The following FDX1 variants were observed in gnomAD, a reference collection of about 807,000 sequenced individuals.
The protein encoded by FDX1 is adrenodoxin, mitochondrial.
FDX1 carries 9 observed loss-of-function variants against 14.9 expected under a neutral mutation model. The observed-to-expected ratio is 0.60, with a 90% CI of 0.36 to 1.05. The LOEUF (loss-of-function observed/expected upper bound fraction) is 1.05, where lower values mean the gene tolerates loss of function less well. Ranked by LOEUF, FDX1 falls within the 50% of genes least tolerant of loss-of-function variation. The probability of loss-of-function intolerance (pLI) is 0.01; values close to 1 mark genes in which losing one functional copy is unlikely to be tolerated. For missense variants in FDX1, 204 were observed against 237.2 expected (o/e 0.86, Z 0.92); for synonymous variants, 92 against 99.4 (o/e 0.93, Z 0.44).
At chr11:110,431,901 G>A (rs1473804280) in intron 1 of FDX1, among the ~76,000 whole-genome samples, 1 of 152,118 alleles carries the variant, frequency 6.6e-6, no homozygotes, top group African/African-American at 2.4e-5. Context: ...TTCTTACTGT[G>A]TTAATGAGAC....
chr11:110,445,245 G>C (rs1192035649), intron 2 of FDX1, among the ~76,000 whole-genome samples: 1 of 152,104 alleles, frequency 6.6e-6, no homozygotes, highest in African/African-American at 2.4e-5. Flanking sequence ...TCTCAAAATA[G>C]TGTAAAATGC....
chr11:110,453,448 TAAAG>T (rs149540635), intron 2 of FDX1, among the ~76,000 whole-genome samples: 2,211 of 150,358 alleles, frequency 0.015, 62 homozygotes, highest in African/African-American at 0.051. Context: ...TTTTATGAGA[TAAAG>T]AAAACAGAAA....
intron 3 of FDX1, 96 bp downstream of exon 3, chr11:110,457,143 G>GTGT: frequency 9.3e-7 from 1 of 1,071,724 alleles, no homozygotes; most frequent in Non-Finnish European, 1.3e-6. Flanking sequence ...AAATGTAATA[G>GTGT]TGTTCTACCA....
At chr11:110,441,075 G>T (rs1171365557) in intron 2 of FDX1, among the ~76,000 whole-genome samples, 3 of 152,206 alleles carry the variant, frequency 2.0e-5, no homozygotes, top group Non-Finnish European at 1.5e-5. Flanking sequence ...CAAGCTCTCT[G>T]CATGCCTGCT....
intron 2 of FDX1, among the ~76,000 whole-genome samples, chr11:110,445,402 A>G (rs1946443997): frequency 7.3e-6 from 1 of 137,092 alleles, no homozygotes; most frequent in Non-Finnish European, 1.6e-5. Context: ...ATATTACAGT[A>G]CAGTTTTTTT....
At chr11:110,459,371 T>C (rs1946542887) in intron 3 of FDX1, among the ~76,000 whole-genome samples, 1 of 152,212 alleles carries the variant, frequency 6.6e-6, no homozygotes, top group Non-Finnish European at 1.5e-5. Context: ...GACTTATCTA[T>C]TGGGAACTTA....
chr11:110,457,236 G>T (rs1228069061), intron 3 of FDX1, among the ~76,000 whole-genome samples, 189 bp downstream of exon 3: 1 of 152,126 alleles, frequency 6.6e-6, no homozygotes. Context: ...TAGACCTTAT[G>T]AAATTTTACA....
At chr11:110,432,017 A>C (rs1015746884) in intron 1 of FDX1, among the ~76,000 whole-genome samples, 11 of 152,254 alleles carry the variant, frequency 7.2e-5, no homozygotes, top group African/African-American at 2.4e-4. Flanking sequence ...CACTAGCCAC[A>C]TTTCGAGTTC....
chr11:110,441,281 G>T (rs1285234873), intron 2 of FDX1, among the ~76,000 whole-genome samples: 1 of 152,204 alleles, frequency 6.6e-6, no homozygotes, highest in Non-Finnish European at 1.5e-5. Context: ...CTGCTGAAAA[G>T]ATACCCCAAA....
chr11:110,453,640 A>G (rs1405934630), intron 2 of FDX1, among the ~76,000 whole-genome samples: 2 of 151,660 alleles, frequency 1.3e-5, no homozygotes, highest in Non-Finnish European at 1.5e-5. Flanking sequence ...AATAAACCGT[A>G]TAGGTTAAAT....
In FDX1 at chr11:110,444,650, G is replaced by A. The variant is rs192475813; in HGVS notation, c.310+8692G>A. Among the ~76,000 whole-genome samples, 351 of 53,778 alleles carry A rather than the reference G, an allele frequency of 6.5e-3. 11 individuals carry two copies. Among genetic ancestry groups the A allele is most frequent in the Middle Eastern group, 0.019 (2 of 106 alleles). 35.3% of individuals were successfully genotyped at this position (53,778 alleles called of 152,430 possible). ...AAAATATATGTGTGTGTGTGTGTGT[G>A]TATATATATATATACGTATATATAT... On this transcript the variant is annotated intron_variant, in intron 2 of 3. Transcript: ENST00000260270.
chr11:110,450,757 C>T (rs538394583), intron 2 of FDX1, among the ~76,000 whole-genome samples: 1 of 152,194 alleles, frequency 6.6e-6, no homozygotes, highest in Non-Finnish European at 1.5e-5. Flanking sequence ...TTTGAGAATG[C>T]ATTTCTCATA....
intron 3 of FDX1, among the ~76,000 whole-genome samples, chr11:110,457,335 A>G (rs995242559): frequency 3.9e-5 from 6 of 152,214 alleles, no homozygotes; most frequent in Non-Finnish European, 5.9e-5. Context: ...AATATGTATC[A>G]CAACTGAATG....
chr11:110,446,245 A>G (rs988362561), intron 2 of FDX1, among the ~76,000 whole-genome samples: 4 of 152,224 alleles, frequency 2.6e-5, no homozygotes, highest in Admixed American at 6.5e-5. Context: ...GCTTATTACC[A>G]CAACATTATG....
chr11:110,436,024 GT>G lies in FDX1; in HGVS notation c.310+77del, dbSNP rs35520653. On this transcript the variant is annotated intron_variant, in intron 2 of 3. Transcript: ENST00000260270. ...TTAGGTTTCAAATTTTTATTTTGTGGTTTTTTTTTTTGAAGAAGTTTAACCT... is the reference window on the plus strand; with the variant it reads ...TTAGGTTTCAAATTTTTATTTTGTGGTTTTTTTTTTGAAGAAGTTTAACCT... 7.1e-3 allele frequency: 8,449 copies of G among 1,187,436 alleles called. 1 individual carries two copies. Among genetic ancestry groups the G allele is most frequent in the Non-Finnish European group, 7.8e-3 (6,684 of 856,356 alleles). The allele number at this position is 1,187,436 out of a possible 1,614,324, so 73.6% of individuals were successfully genotyped here.
chr11:110,447,408 T>C (rs552547186), intron 2 of FDX1, among the ~76,000 whole-genome samples: 1 of 151,896 alleles, frequency 6.6e-6, no homozygotes, highest in East Asian at 1.9e-4. Flanking sequence ...GAGCCGAGAT[T>C]GCACCACTGT....
At chr11:110,446,590 C>A (rs979310045) in intron 2 of FDX1, among the ~76,000 whole-genome samples, 1 of 152,164 alleles carries the variant, frequency 6.6e-6, no homozygotes, top group African/African-American at 2.4e-5. Flanking sequence ...TGTCCTTCCT[C>A]GAGTCTTTCC....
At chr11:110,444,655 TATATATATAC>T (rs1193738798) in intron 2 of FDX1, among the ~76,000 whole-genome samples, 17 of 83,062 alleles carry the variant, frequency 2.0e-4, no homozygotes, top group East Asian at 1.2e-3. Context: ...TGTGTGTATA[TATATATATAC>T]GTATATATAT....
rs1303252223 is a variant in FDX1, at chr11:110,430,359, G to A, written c.185+54G>A. ...GCGCGGGCCGGGGTCCCCGGTGGGT[G>A]GCGCCTGGCTCTCTGGGCCGAGTCT... On this transcript the variant is annotated intron_variant, in intron 1 of 3. Transcript: ENST00000260270. 7 of 1,124,508 alleles carry A rather than the reference G, an allele frequency of 6.2e-6. No individual in the cohort carries two copies. The East Asian group carries it at 1.5e-4, about 25-fold the overall frequency. 69.7% of individuals were successfully genotyped at this position (1,124,508 alleles called of 1,614,324 possible).
Sources: gnomAD v4.1 joint callset for allele counts (sites outside exome capture counted in the v4.1 genomes callset) on GRCh38, gnomAD v4.1.1 for gene constraint, MANE v1.5 for transcripts, NCBI Gene and HGNC (gene_info 2026-07-23, HGNC 2026-07-21) for gene names.